The following APCDD1L variants were observed in gnomAD, a reference collection of about 807,000 sequenced individuals.
APCDD1L encodes protein APCDD1-like.
APCDD1L carries 21 observed loss-of-function variants against 24.2 expected under a neutral mutation model. That is an observed-to-expected ratio of 0.87 (90% CI 0.61 to 1.25). The LOEUF (loss-of-function observed/expected upper bound fraction) is 1.25. APCDD1L is among the 50% of genes most tolerant of loss of function. The pLI is 0.00. For synonymous variants in APCDD1L, 321 were observed against 323.6 expected, an observed-to-expected ratio of 0.99 and a Z score of 0.09; for missense variants, 704 against 711.7, an observed-to-expected ratio of 0.99 and a Z score of 0.12.
Position 58,494,259 on chromosome 20 carries a change from A to G in APCDD1L, c.49+20400T>C, listed in dbSNP as rs1015538222. Among the ~76,000 whole-genome samples the G allele has an allele frequency of 4.6e-5, 7 of 150,584 alleles. No homozygotes were observed. The highest frequency in any genetic ancestry group is 8.9e-5 in the Non-Finnish European group (6 of 67,738). On this transcript the variant is annotated intron_variant, in intron 1 of 3. Transcript: ENST00000371149. The surrounding 1 kb of genome is among the most constrained non-coding windows in gnomAD (Gnocchi z 4.8). Reference sequence around the variant, plus strand: ...CTCATGTGGTTTAAGGGTCAACTGCATTTCTTTTTTCTTTTCTTTTCTTTT... The same window carrying G: ...CTCATGTGGTTTAAGGGTCAACTGCGTTTCTTTTTTCTTTTCTTTTCTTTT...
chr20:58,489,194 C>A (rs1990177059), intron 1 of APCDD1L, among the ~76,000 whole-genome samples: 1 of 151,826 alleles, frequency 6.6e-6, no homozygotes, highest in Non-Finnish European at 1.5e-5. Context: ...CAAACATAAC[C>A]CAAACCAACA....
At chr20:58,482,133 A>G (rs1415360638) in intron 1 of APCDD1L, among the ~76,000 whole-genome samples, 1 of 152,202 alleles carries the variant, frequency 6.6e-6, no homozygotes, top group African/African-American at 2.4e-5. Flanking sequence ...TAACAAATCA[A>G]TTTTTCTTAC....
In APCDD1L at chr20:58,497,052, A is replaced by G. The variant is rs80259086; in HGVS notation, c.49+17607T>C. Reference sequence around the variant, plus strand: ...GAACTTGCAGACACCGGCCAGTGACAGGGGCCCTTTGAGGAGTGAGGCCAT... The same window carrying G: ...GAACTTGCAGACACCGGCCAGTGACGGGGGCCCTTTGAGGAGTGAGGCCAT... On this transcript the variant is annotated intron_variant, in intron 1 of 3. Transcript: ENST00000371149. This position sits in a 1 kb window ranked among gnomAD's most constrained non-coding sequence, Gnocchi z 4.3. Among the ~76,000 whole-genome samples the G allele has an allele frequency of 9.0e-3, 1,366 of 152,296 alleles. 20 individuals carry two copies. The highest frequency in any genetic ancestry group is 0.031 in the African/African-American group (1,308 of 41,552).
intron 1 of APCDD1L, among the ~76,000 whole-genome samples, chr20:58,514,349 C>T (rs1990694893): frequency 6.6e-6 from 1 of 152,200 alleles, no homozygotes; most frequent in Non-Finnish European, 1.5e-5. Flanking sequence ...CTTGGAGGCC[C>T]CGGTCCCACT....
At chr20:58,471,262 C>T (rs562783576) in intron 1 of APCDD1L, among the ~76,000 whole-genome samples, 3 of 152,224 alleles carry the variant, frequency 2.0e-5, no homozygotes, top group Non-Finnish European at 2.9e-5. Context: ...CTTGGCCTCT[C>T]CCGGCACACA....
At chr20:58,506,688 C>G (rs547102881) in intron 1 of APCDD1L, among the ~76,000 whole-genome samples, 222 of 152,316 alleles carry the variant, frequency 1.5e-3, no homozygotes, top group African/African-American at 5.0e-3. Flanking sequence ...CAACAACTCT[C>G]AGATTAACAT....
At chr20:58,489,816 A>G (rs192709222) in intron 1 of APCDD1L, among the ~76,000 whole-genome samples, 366 of 152,310 alleles carry the variant, frequency 2.4e-3, no homozygotes, top group Non-Finnish European at 4.2e-3. Context: ...GGTTTTGTGG[A>G]GCCTGAAGTT....
At chr20:58,491,065 C>A (rs1290677565) in intron 1 of APCDD1L, among the ~76,000 whole-genome samples, 2 of 152,192 alleles carry the variant, frequency 1.3e-5, no homozygotes, top group Non-Finnish European at 2.9e-5. Flanking sequence ...AAATTCCAAA[C>A]CCATTCGTAA....
intron 1 of APCDD1L, among the ~76,000 whole-genome samples, chr20:58,505,685 T>C (rs1336489173): frequency 6.6e-6 from 1 of 151,594 alleles, no homozygotes; most frequent in Non-Finnish European, 1.5e-5. Context: ...TTGGACAGAA[T>C]TGCAACACTG....
chr20:58,486,532 A>C (rs1185727735), intron 1 of APCDD1L, among the ~76,000 whole-genome samples: 1 of 152,208 alleles, frequency 6.6e-6, no homozygotes, highest in Non-Finnish European at 1.5e-5. Context: ...AAAAAGAAAG[A>C]GTAGAGGAGA....
chr20:58,511,811 C>T (rs1157415250), intron 1 of APCDD1L, among the ~76,000 whole-genome samples: 2 of 151,924 alleles, frequency 1.3e-5, no homozygotes, highest in Admixed American at 6.6e-5. Flanking sequence ...TATGGAATAG[C>T]TTGTGATTTT....
At chr20:58,505,688 C>T (rs1392107225) in intron 1 of APCDD1L, among the ~76,000 whole-genome samples, 1 of 152,002 alleles carries the variant, frequency 6.6e-6, no homozygotes, top group Non-Finnish European at 1.5e-5. Flanking sequence ...GACAGAATTG[C>T]AACACTGCAA....
chr20:58,491,700 G>T (rs189772553), intron 1 of APCDD1L, among the ~76,000 whole-genome samples: 4 of 152,074 alleles, frequency 2.6e-5, no homozygotes, highest in Non-Finnish European at 5.9e-5. Flanking sequence ...ATCCCAACAG[G>T]TTATCTTATT....
rs1243133597 is a variant in APCDD1L at position 58,467,136 on chromosome 20, C to T, written c.711G>A (p.Thr237=). The T allele has an allele frequency of 1.2e-6, 2 of 1,607,766 alleles. No individual in the cohort carries two copies. Among genetic ancestry groups the T allele is most frequent in the Admixed American group, 1.7e-5 (1 of 59,936 alleles). ...CGCTCTGCAGCGGGCGCTGGTAGCCCGTGGGCCGGTAGTGCCGCCTCTCCG... is the reference window on the plus strand; with the variant it reads ...CGCTCTGCAGCGGGCGCTGGTAGCCTGTGGGCCGGTAGTGCCGCCTCTCCG... The part of the protein sequence containing the change: ...DPAERRHYRP[T]GYQRPLQSAL... The change falls in exon 3 of 4, where the codon ACG becomes ACA. Residue 237 remains threonine (T), a synonymous_variant. Coordinates refer to ENST00000371149, the MANE Select transcript of APCDD1L (RefSeq NM_153360.3). The surrounding 1 kb of genome is among the most constrained non-coding windows in gnomAD (Gnocchi z 5.9).
At chr20:58,470,815 C>T (rs1989798906) in intron 1 of APCDD1L, 68 bp from the exon 2 acceptor site, 2 of 1,476,518 alleles carry the variant, frequency 1.4e-6, no homozygotes, top group Non-Finnish European at 1.8e-6. Context: ...TCTGCCCTCC[C>T]AACCCCACTG....
At position 58,460,985 on chromosome 20, in the gene APCDD1L, A is replaced by C. The variant is rs779265800; in HGVS notation, c.1311T>G (p.Ser437Arg). 1 of 1,614,106 alleles carries C rather than the reference A, an allele frequency of 6.2e-7. No homozygotes were observed. The highest frequency in any genetic ancestry group is 1.1e-5 in the South Asian group (1 of 91,082). Residue 437 changes from serine (S) to arginine (R), a missense_variant, in exon 4 of 4, where the codon AGT becomes AGG. Coordinates refer to ENST00000371149, the MANE Select transcript of APCDD1L (RefSeq NM_153360.3). The surrounding 1 kb of genome is among the most constrained non-coding windows in gnomAD (Gnocchi z 4.2). ...TGGGACGTTTCTCTGGGGTATCGGG[A>C]CTTGAGCCATCGGTGGGCCTTTGTC... is the stretch of plus-strand genomic sequence containing the variant. ...FIGQRPTDGS[S>R]PDTPEKRPTS...
Position 58,459,558 on chromosome 20 carries a change from TCCTGAAAAC to T in APCDD1L, c.*1223_*1231del, listed in dbSNP as rs1423769628. 3.0e-4 allele frequency: 45 copies of T among 152,462 alleles called. No individual in the cohort carries two copies. Among genetic ancestry groups the T allele is most frequent in the African/African-American group, 9.4e-4 (39 of 41,550 alleles). The allele number at this position is 152,462 out of a possible 1,614,324, so 9.4% of individuals were successfully genotyped here. A position where few individuals can be genotyped will look rare whatever the true frequency, so the allele number is the denominator to read the frequency against. ...GAGGGGGTGAGTCATTGGCCCCCAG[TCCTGAAAAC>T]CCTTGGGCCCACCAGGATGCCAGTT... On this transcript the variant is annotated 3_prime_UTR_variant, in exon 4 of 4. Transcript: ENST00000371149.
rs1989614116 is a variant in APCDD1L, at chr20:58,461,700, C to A, written c.742-146G>T. 1.2e-6 allele frequency: 1 copy of A among 841,520 alleles called. No homozygotes were observed. Among genetic ancestry groups the A allele is most frequent in the Non-Finnish European group, 1.6e-6 (1 of 621,244 alleles). 52.1% of individuals were successfully genotyped at this position (841,520 alleles called of 1,614,324 possible). ...CCTCCTCTCTCTCCTCACTCCCTGC[C>A]TTCAGTCAGGACGACCTCCTTGCTT... On this transcript the variant is annotated intron_variant, in intron 3 of 3. Transcript: ENST00000371149. The surrounding 1 kb of genome is among the most constrained non-coding windows in gnomAD (Gnocchi z 6.0).
At position 58,467,050 on chromosome 20, in the gene APCDD1L, G is replaced by C; in HGVS notation, c.741+56C>G. The stretch of plus-strand genomic sequence containing the variant: ...GCAAAGCTGCGGGGCTGGGTTCCGA[G>C]CTCGCCTCCCCGAGACCACCACCCC... On this transcript the variant is annotated intron_variant, in intron 3 of 3. Coordinates refer to ENST00000371149, the MANE Select transcript of APCDD1L (RefSeq NM_153360.3). This position sits in a 1 kb window ranked among gnomAD's most constrained non-coding sequence, Gnocchi z 5.9. 1.3e-6 allele frequency: 2 copies of C among 1,531,788 alleles called. No homozygotes were observed. Among genetic ancestry groups the C allele is most frequent in the Non-Finnish European group, 1.7e-6 (2 of 1,144,380 alleles). 94.9% of individuals were successfully genotyped at this position (1,531,788 alleles called of 1,614,324 possible).
Sources: allele counts gnomAD v4.1 joint callset (sites outside exome capture counted in the v4.1 genomes callset), GRCh38; gene constraint gnomAD v4.1.1; non-coding constraint Gnocchi (gnomAD v3.1); transcripts MANE v1.5; gene names NCBI Gene and HGNC (gene_info 2026-07-23, HGNC 2026-07-21).